Variants in GLRA1 observed in about 807,000 individuals in gnomAD.
GLRA1 encodes glycine receptor alpha 1, also known as glycine receptor subunit alpha-1.
Under a neutral mutation model 48.3 loss-of-function variants are expected in GLRA1, and 37 were observed. The observed-to-expected ratio is 0.77, with a 90% CI of 0.59 to 1.01. GLRA1 has a LOEUF of 1.01. Ranked by LOEUF, GLRA1 falls within the 50% of genes least tolerant of loss-of-function variation. The pLI is 0.00. For synonymous variants in GLRA1, 196 were observed against 210.7 expected (o/e 0.93, Z 0.60); for missense variants, 427 against 571.0 (o/e 0.75, Z 2.57).
At chr5:151,877,497 T>TAACAAA (rs936853594) in intron 3 of GLRA1, among the ~76,000 whole-genome samples, 1 of 151,384 alleles carries the variant, frequency 6.6e-6, no homozygotes, top group Admixed American at 6.6e-5. Context: ...AACAAGCAAA[T>TAACAAA]AACAAAAACA....
intron 1 of GLRA1, among the ~76,000 whole-genome samples, chr5:151,920,080 C>T (rs1198716845): frequency 6.6e-6 from 1 of 152,206 alleles, no homozygotes; most frequent in Non-Finnish European, 1.5e-5. Context: ...GGCATCTGTG[C>T]CTGCAGAGTG....
At chr5:151,846,840 A>T (rs1752683815) in intron 7 of GLRA1, among the ~76,000 whole-genome samples, 1 of 152,236 alleles carries the variant, frequency 6.6e-6, no homozygotes, top group South Asian at 2.1e-4. Context: ...GAATTATTTC[A>T]AATTGAATTA....
At chr5:151,883,162 G>T (rs1024384068) in intron 3 of GLRA1, among the ~76,000 whole-genome samples, 2 of 152,140 alleles carry the variant, frequency 1.3e-5, no homozygotes, top group African/African-American at 4.8e-5. Flanking sequence ...CTACCCTCAA[G>T]GCAGTACATC....
chr5:151,890,595 G>A (rs1286222372), intron 2 of GLRA1, among the ~76,000 whole-genome samples: 1 of 152,248 alleles, frequency 6.6e-6, no homozygotes, highest in African/African-American at 2.4e-5. Flanking sequence ...TCAGACTTAA[G>A]TCTTGTCTTG....
chr5:151,877,818 C>G (rs1375404360), intron 3 of GLRA1, among the ~76,000 whole-genome samples: 1 of 152,236 alleles, frequency 6.6e-6, no homozygotes, highest in African/African-American at 2.4e-5. Context: ...CAGCCACATG[C>G]AACTGTAAGT....
rs184958859 is a variant in GLRA1, at chr5:151,833,284, A to G, written c.913-4217T>C. Among the ~76,000 whole-genome samples, 824 of 152,304 alleles carry G rather than the reference A, an allele frequency of 5.4e-3. 11 individuals are homozygous for G. Among genetic ancestry groups the G allele is most frequent in the Non-Finnish European group, 9.3e-3 (631 of 68,026 alleles). ...AGCTAGCATCATAATGATAGGATCA[A>G]ATTCACACATAACAATATTAATCTT... is the stretch of plus-strand genomic sequence containing the variant. On this transcript the variant is annotated intron_variant, in intron 7 of 8. Transcript: ENST00000274576.
intron 1 of GLRA1, among the ~76,000 whole-genome samples, chr5:151,898,820 G>T (rs1255035507): frequency 6.6e-6 from 1 of 152,158 alleles, no homozygotes; most frequent in Admixed American, 6.5e-5. Context: ...CGAGTACAGT[G>T]GACAGGTACC....
chr5:151,888,808 T>C (rs1440421784), intron 2 of GLRA1, among the ~76,000 whole-genome samples: 1 of 152,192 alleles, frequency 6.6e-6, no homozygotes, highest in Non-Finnish European at 1.5e-5. Flanking sequence ...CTTCCAGCAG[T>C]GGGAAACTCA....
intron 1 of GLRA1, among the ~76,000 whole-genome samples, chr5:151,893,505 G>A (rs144217097): frequency 1.3e-5 from 2 of 151,758 alleles, no homozygotes; most frequent in South Asian, 2.1e-4. Flanking sequence ...GCTCTCCCTC[G>A]CCTTGCCCCC....
At chr5:151,900,486 G>T (rs1220252598) in intron 1 of GLRA1, among the ~76,000 whole-genome samples, 1 of 151,974 alleles carries the variant, frequency 6.6e-6, no homozygotes, top group East Asian at 1.9e-4. Context: ...TTCCTAATGT[G>T]GACTCTGAAT....
At chr5:151,909,360 A>G (rs888672611) in intron 1 of GLRA1, among the ~76,000 whole-genome samples, 32 of 152,174 alleles carry the variant, frequency 2.1e-4, no homozygotes, top group Admixed American at 2.0e-4. Flanking sequence ...TTTGAATTCA[A>G]ATTGCAGCCC....
intron 5 of GLRA1, 86 bp from the exon 6 acceptor site, chr5:151,855,263 G>A: frequency 7.5e-7 from 1 of 1,327,572 alleles, no homozygotes; most frequent in Admixed American, 1.7e-5. Context: ...TAGAGACTGA[G>A]AGAGACATCA....
chr5:151,904,722 T>A lies in GLRA1; in HGVS notation c.57-12284A>T, dbSNP rs534361587. ...TGCATCTGTAAAATGAGGGTGATAGTAGTTGTTGGTCGTAAGCTTGTTGTA... is the reference window on the plus strand; with the variant it reads ...TGCATCTGTAAAATGAGGGTGATAGAAGTTGTTGGTCGTAAGCTTGTTGTA... On this transcript the variant is annotated intron_variant, in intron 1 of 8. Transcript: ENST00000274576. Among the ~76,000 whole-genome samples, 14 of 152,278 alleles carry A rather than the reference T, an allele frequency of 9.2e-5. No individual in the cohort carries two copies. The South Asian group carries it at 2.9e-3, about 32-fold the overall frequency.
At chr5:151,874,788 G>A (rs899223110) in intron 3 of GLRA1, among the ~76,000 whole-genome samples, 2 of 152,168 alleles carry the variant, frequency 1.3e-5, no homozygotes, top group Non-Finnish European at 2.9e-5. Flanking sequence ...AGCCAGGCAT[G>A]CAAAGATCTT....
intron 3 of GLRA1, among the ~76,000 whole-genome samples, chr5:151,881,789 G>T (rs1753770352): frequency 6.6e-6 from 1 of 152,118 alleles, no homozygotes; most frequent in Admixed American, 6.5e-5. Flanking sequence ...CTGCCTCTCT[G>T]CTCTCAGGTC....
intron 1 of GLRA1, among the ~76,000 whole-genome samples, chr5:151,900,380 G>A (rs920521955): frequency 3.9e-5 from 6 of 152,050 alleles, no homozygotes; most frequent in African/African-American, 1.4e-4. Context: ...CCGATGAGGG[G>A]GTCTTTACCT....
intron 1 of GLRA1, 32 bp downstream of exon 1, chr5:151,924,462 C>G (rs1416899129): frequency 1.5e-6 from 2 of 1,362,824 alleles, no homozygotes; most frequent in Admixed American, 3.3e-5. Flanking sequence ...CCATTTCCAT[C>G]AGAGCGATGT....
intron 1 of GLRA1, among the ~76,000 whole-genome samples, chr5:151,913,350 GT>G (rs1356025355): frequency 6.6e-6 from 1 of 152,186 alleles, no homozygotes; most frequent in Non-Finnish European, 1.5e-5. Flanking sequence ...TGAGGGGGAA[GT>G]TTTCCAGATT....
intron 7 of GLRA1, among the ~76,000 whole-genome samples, chr5:151,833,565 G>A (rs139577636): frequency 0.013 from 1,994 of 152,268 alleles, 39 homozygotes; most frequent in African/African-American, 0.045. Context: ...CTGGGTTCAA[G>A]CGATTCTCCT....
Sources: allele counts gnomAD v4.1 joint callset (sites outside exome capture counted in the v4.1 genomes callset), GRCh38; gene constraint gnomAD v4.1.1; transcripts MANE v1.5; gene names NCBI Gene and HGNC (gene_info 2026-07-23, HGNC 2026-07-21).